LRRN3: variants seen among roughly 807,000 people sequenced by gnomAD.
The protein encoded by LRRN3 is leucine-rich repeat neuronal protein 3.
In LRRN3, 15 loss-of-function variants were observed where a neutral mutation model predicts 40.1. The ratio of observed to expected loss-of-function variants is 0.37; its 90% CI spans 0.25 to 0.58. The LOEUF (loss-of-function observed/expected upper bound fraction) is 0.58, where lower values mean the gene tolerates loss of function less well. Ranked by LOEUF, LRRN3 falls within the 20% of genes least tolerant of loss-of-function variation. The pLI is 0.72. For synonymous variants in LRRN3, 308 were observed against 297.2 expected, an observed-to-expected ratio of 1.04 and a Z score of -0.37; for missense variants, 746 against 837.7, an observed-to-expected ratio of 0.89 and a Z score of 1.35.
At chr7:111,097,315 T>C (rs1012648939) in intron 1 of LRRN3, 1 of 151,852 alleles carries the variant, frequency 6.6e-6, no homozygotes, top group Non-Finnish European at 1.5e-5. Flanking sequence ...TCACAACACT[T>C]ACAAGTGACA....
chr7:111,111,942 G>GTTTTTTTTTTTT (rs748410980), intron 2 of LRRN3, among the ~76,000 whole-genome samples: 1 of 84,110 alleles, frequency 1.2e-5, no homozygotes, highest in Non-Finnish European at 2.2e-5. Context: ...TATATAGTTT[G>GTTTTTTTTTTTT]TTTTTTTTTT....
At chr7:111,093,112 T>C (rs1431048141) in intron 1 of LRRN3, among the ~76,000 whole-genome samples, 1 of 152,182 alleles carries the variant, frequency 6.6e-6, no homozygotes, top group Non-Finnish European at 1.5e-5. Flanking sequence ...CCTTTGTAAA[T>C]GATGACAATA....
intron 2 of LRRN3, among the ~76,000 whole-genome samples, chr7:111,118,670 C>G (rs1400539770): frequency 6.6e-6 from 1 of 151,934 alleles, no homozygotes. Flanking sequence ...TAAGAAGATA[C>G]TATTATTACT....
At chr7:111,108,038 G>T (rs1798746233) in intron 2 of LRRN3, among the ~76,000 whole-genome samples, 1 of 152,036 alleles carries the variant, frequency 6.6e-6, no homozygotes, top group South Asian at 2.1e-4. Context: ...TTACAATACT[G>T]TTTTTGTTTT....
intron 2 of LRRN3, among the ~76,000 whole-genome samples, chr7:111,113,190 T>C (rs955120651): frequency 6.6e-6 from 1 of 152,208 alleles, no homozygotes; most frequent in African/African-American, 2.4e-5. Context: ...ACTAGGTCAT[T>C]GGACTCTTGT....
At chr7:111,116,255 G>GCTA (rs1799866170) in intron 2 of LRRN3, among the ~76,000 whole-genome samples, 1 of 152,114 alleles carries the variant, frequency 6.6e-6, no homozygotes, top group East Asian at 1.9e-4. Context: ...AATGCTTGCT[G>GCTA]GGTAAAAATA....
intron 2 of LRRN3, among the ~76,000 whole-genome samples, chr7:111,111,410 C>A (rs570398255): frequency 1.1e-3 from 163 of 148,596 alleles, no homozygotes; most frequent in Admixed American, 1.6e-3. Flanking sequence ...CATCCCCCCC[C>A]AAAAAAAAAT....
intron 2 of LRRN3, among the ~76,000 whole-genome samples, chr7:111,110,740 C>G (rs115896781): frequency 0.014 from 2,175 of 152,204 alleles, 65 homozygotes; most frequent in African/African-American, 0.05. Context: ...CTGCAGTAGA[C>G]ATTACTGATA....
Position 111,124,191 on chromosome 7 carries a change from C to T in LRRN3, c.1419C>T (p.Phe473=), listed in dbSNP as rs11979902. 1 of 1,613,844 alleles carries T rather than the reference C, an allele frequency of 6.2e-7. No homozygotes were observed. The highest frequency in any genetic ancestry group is 8.5e-7 in the Non-Finnish European group (1 of 1,179,902). ...TGCCTAATACCCTGACAGACAAGTT[C>T]TATGTCCATTCTGAGGGAACACTAG... ...KLLPNTLTDK[F]YVHSEGTLDI... The change falls in exon 3 of 3, where the codon TTC becomes TTT. Residue 473 remains phenylalanine (F), a synonymous_variant. Transcript: ENST00000308478.
intron 2 of LRRN3, among the ~76,000 whole-genome samples, chr7:111,102,074 C>A (rs1276535055): frequency 6.7e-6 from 1 of 150,038 alleles, no homozygotes; most frequent in East Asian, 2.0e-4. Flanking sequence ...CACTGCCTGT[C>A]AATTTCTTTA....
intron 2 of LRRN3, among the ~76,000 whole-genome samples, chr7:111,110,889 G>A (rs1799116129): frequency 6.6e-6 from 1 of 151,954 alleles, no homozygotes; most frequent in South Asian, 2.1e-4. Context: ...GACTGTGAAG[G>A]GAAAATTTCT....
At chr7:111,099,023 T>C (rs1797690855) in intron 1 of LRRN3, among the ~76,000 whole-genome samples, 1 of 151,794 alleles carries the variant, frequency 6.6e-6, no homozygotes, top group African/African-American at 2.4e-5. Context: ...TAATTATTTA[T>C]ATCTGAGTTT....
At chr7:111,105,503 G>C (rs1344887068) in intron 2 of LRRN3, among the ~76,000 whole-genome samples, 1 of 151,820 alleles carries the variant, frequency 6.6e-6, no homozygotes, top group African/African-American at 2.4e-5. Context: ...ATTTACATCT[G>C]GTTTGCTCCC....
rs1312786711 is a variant in LRRN3 at position 111,123,706 on chromosome 7, A to C, written c.934A>C (p.Arg312=). The C allele has an allele frequency of 6.2e-7, 1 of 1,613,818 alleles. No individual in the cohort carries two copies. The highest frequency in any genetic ancestry group is 8.5e-7 in the Non-Finnish European group (1 of 1,179,942). Reference sequence around the variant, plus strand: ...TGCTGTGGATAACCTGCCAGATTTAAGAAAAATAGAAGCTACTAACAACCC... The same window carrying C: ...TGCTGTGGATAACCTGCCAGATTTACGAAAAATAGAAGCTACTAACAACCC... ...SLAVDNLPDL[R]KIEATNNPRL... Residue 312 remains arginine (R), a synonymous_variant, in exon 3 of 3, where the codon AGA becomes CGA. Transcript: ENST00000308478. This position sits in a 1 kb window ranked among gnomAD's most constrained non-coding sequence, Gnocchi z 6.4.
At chr7:111,112,193 C>T (rs973813941) in intron 2 of LRRN3, among the ~76,000 whole-genome samples, 14 of 151,894 alleles carry the variant, frequency 9.2e-5, no homozygotes, top group African/African-American at 3.4e-4. Flanking sequence ...GAACTCCTGA[C>T]CTCAGGTATA....
chr7:111,117,703 G>T (rs1406707485), intron 2 of LRRN3, among the ~76,000 whole-genome samples: 2 of 152,006 alleles, frequency 1.3e-5, no homozygotes, highest in Non-Finnish European at 2.9e-5. Flanking sequence ...TACAACAAGG[G>T]AATATGAAGT....
chr7:111,094,972 A>G (rs1331499299), intron 1 of LRRN3, among the ~76,000 whole-genome samples: 3 of 152,076 alleles, frequency 2.0e-5, no homozygotes, highest in Admixed American at 2.0e-4. Flanking sequence ...TCCATCTCAA[A>G]TCTTTCTGAA....
intron 2 of LRRN3, among the ~76,000 whole-genome samples, chr7:111,121,049 ACAAG>A (rs1171234873): frequency 6.6e-6 from 1 of 152,198 alleles, no homozygotes; most frequent in African/African-American, 2.4e-5. Context: ...CAAGGTATAA[ACAAG>A]CAAAGATTTG....
rs139409404 is a variant in LRRN3, at chr7:111,122,785, C to A, written c.13C>A (p.Pro5Thr). 1.9e-5 allele frequency: 31 copies of A among 1,611,726 alleles called. 1 individual carries two copies. The Middle Eastern group carries it at 5.0e-4, about 26-fold the overall frequency. ...GAAGAAAGCTAAGATGAAGGACATGCCACTCCGAATTCATGTGCTACTTGG... is the reference window on the plus strand; with the variant it reads ...GAAGAAAGCTAAGATGAAGGACATGACACTCCGAATTCATGTGCTACTTGG... MKDM[P>T]LRIHVLLGLA... The change falls in exon 3 of 3, where the codon CCA becomes ACA. Residue 5 changes from proline (P) to threonine (T), a missense_variant. Physicochemically the swap from Pro to Thr is conservative, Grantham distance 38. Transcript: ENST00000308478.
Sources: allele counts gnomAD v4.1 joint callset (sites outside exome capture counted in the v4.1 genomes callset), GRCh38; gene constraint gnomAD v4.1.1; non-coding constraint Gnocchi (gnomAD v3.1); transcripts MANE v1.5; gene names NCBI Gene and HGNC (gene_info 2026-07-23, HGNC 2026-07-21).